COMMD1: variants seen among roughly 807,000 people sequenced by gnomAD.
COMMD1 encodes the protein copper metabolism domain containing 1.
In COMMD1, 10 loss-of-function variants were observed where a neutral mutation model predicts 17.2. The observed-to-expected ratio is 0.58, with a 90% confidence interval of 0.36 to 0.99. The LOEUF is 0.99. Ranked by LOEUF, COMMD1 falls within the 50% of genes least tolerant of loss-of-function variation. The probability of loss-of-function intolerance (pLI) is 0.01; values close to 1 mark genes in which losing one functional copy is unlikely to be tolerated. For synonymous variants in COMMD1, 97 were observed against 91.6 expected (o/e 1.06, Z -0.34); for missense variants, 270 against 231.8 (o/e 1.17, Z -1.07).
chr2:62,004,341 C>T (rs1161558591), intron 2 of COMMD1, among the ~76,000 whole-genome samples: 2 of 152,168 alleles, frequency 1.3e-5, no homozygotes, highest in African/African-American at 2.4e-5. Context: ...CACTCTGTCA[C>T]CCAGGCTGGA....
intron 1 of COMMD1, among the ~76,000 whole-genome samples, chr2:61,945,852 T>G (rs970815111): frequency 3.3e-5 from 5 of 152,178 alleles, no homozygotes; most frequent in Non-Finnish European, 5.9e-5. Flanking sequence ...AATGTCTGGG[T>G]TAAGACAAGG....
intron 1 of COMMD1, among the ~76,000 whole-genome samples, chr2:61,958,214 G>T (rs550423414): frequency 1.8e-3 from 268 of 150,570 alleles, no homozygotes; most frequent in African/African-American, 5.5e-3. Flanking sequence ...AGCATGCGTT[G>T]TTCCTTTCTT....
chr2:61,949,998 C>T (rs1671009689), intron 1 of COMMD1, among the ~76,000 whole-genome samples: 2 of 152,172 alleles, frequency 1.3e-5, no homozygotes, highest in South Asian at 2.1e-4. Context: ...AAACAGGACA[C>T]TATGGCTATC....
At chr2:61,998,774 C>T (rs529601379) in intron 1 of COMMD1, among the ~76,000 whole-genome samples, 10 of 152,186 alleles carry the variant, frequency 6.6e-5, no homozygotes, top group Non-Finnish European at 1.2e-4. Context: ...TAGAGGCCAT[C>T]GTAGGGTTAT....
intron 1 of COMMD1, among the ~76,000 whole-genome samples, chr2:61,975,118 C>CTTTTTTT: frequency 2.3e-3 from 187 of 80,146 alleles, no homozygotes; most frequent in East Asian, 3.7e-3. Flanking sequence ...TCATTTCTTT[C>CTTTTTTT]TTTTTTTTTT....
At chr2:61,975,726 T>G (rs1247803716) in intron 1 of COMMD1, among the ~76,000 whole-genome samples, 1 of 152,222 alleles carries the variant, frequency 6.6e-6, no homozygotes, top group Non-Finnish European at 1.5e-5. Context: ...CTTTGACCTT[T>G]ATATTATTTT....
At chr2:62,043,091 C>G (rs1376579558) in intron 2 of COMMD1, among the ~76,000 whole-genome samples, 1 of 152,186 alleles carries the variant, frequency 6.6e-6, no homozygotes, top group Non-Finnish European at 1.5e-5. Context: ...ATGCCAAGTC[C>G]TATCATCATC....
intron 2 of COMMD1, among the ~76,000 whole-genome samples, chr2:62,073,779 A>G (rs1463923983): frequency 1.3e-5 from 2 of 152,034 alleles, no homozygotes; most frequent in Non-Finnish European, 1.5e-5. Flanking sequence ...GCTCACTGCA[A>G]CCTCTGCTTC....
intron 1 of COMMD1, among the ~76,000 whole-genome samples, chr2:61,969,863 C>G (rs977112213): frequency 3.3e-5 from 5 of 152,046 alleles, no homozygotes; most frequent in Non-Finnish European, 7.4e-5. Context: ...ATCCTTTATT[C>G]AAACAACTTC....
At chr2:61,993,022 T>TA (rs1356712495) in intron 1 of COMMD1, among the ~76,000 whole-genome samples, 9 of 150,896 alleles carry the variant, frequency 6.0e-5, no homozygotes, top group Admixed American at 2.0e-4. Flanking sequence ...CTGCTAACTA[T>TA]ATTATGTACA....
At chr2:61,913,663 G>A (rs1669970923) in intron 1 of COMMD1, among the ~76,000 whole-genome samples, 2 of 151,656 alleles carry the variant, frequency 1.3e-5, no homozygotes, top group South Asian at 4.2e-4. Flanking sequence ...GGGCATGGTG[G>A]CGGGCTTCTA....
intron 2 of COMMD1, among the ~76,000 whole-genome samples, chr2:62,002,158 G>A (rs564712350): frequency 6.0e-5 from 9 of 151,166 alleles, no homozygotes; most frequent in South Asian, 2.1e-4. Context: ...CAATAAGAGC[G>A]AAACTCTGTC....
In COMMD1 at chr2:62,096,121, A is replaced by T. The variant is rs577062349; in HGVS notation, c.463-39710A>T. ...CAACTAACTTTCTCCTAAAAATGTA[A>T]TGTCATTCCTACATTTTAAGAAAGC... is the stretch of plus-strand genomic sequence containing the variant. On this transcript the variant is annotated intron_variant, in intron 2 of 2. Transcript: ENST00000311832. 3.9e-5 allele frequency among the ~76,000 whole-genome samples: 6 copies of T among 152,198 alleles called. No individual in the cohort carries two copies. In the East Asian group the frequency reaches 9.6e-4, roughly 24 times the overall value.
At chr2:62,078,764 C>A (rs1671426737) in intron 2 of COMMD1, among the ~76,000 whole-genome samples, 1 of 151,368 alleles carries the variant, frequency 6.6e-6, no homozygotes, top group Non-Finnish European at 1.5e-5. Flanking sequence ...GTAATCCCAG[C>A]CACTCGGTAG....
At position 61,968,674 on chromosome 2, in the gene COMMD1, A is replaced by G. The variant is rs995145289; in HGVS notation, c.181-32027A>G. 2.0e-5 allele frequency among the ~76,000 whole-genome samples: 3 copies of G among 152,024 alleles called. No homozygotes were observed. The East Asian group carries it at 5.8e-4, about 29-fold the overall frequency. ...TGGGCTCAAGTGATCCTCCTACCTC[A>G]GCCTTTCCAGTAGTTGTCACCACAG... is the stretch of plus-strand genomic sequence containing the variant. On this transcript the variant is annotated intron_variant, in intron 1 of 2. Coordinates refer to ENST00000311832, the MANE Select transcript of COMMD1 (RefSeq NM_152516.4).
intron 1 of COMMD1, among the ~76,000 whole-genome samples, chr2:61,954,714 C>G (rs1329833385): frequency 6.6e-6 from 1 of 152,070 alleles, no homozygotes; most frequent in Non-Finnish European, 1.5e-5. Context: ...CAAAGTCTCG[C>G]TCTCTTGCCC....
rs1671348727 is a variant in COMMD1 at position 61,961,736 on chromosome 2, A to G, written c.181-38965A>G. 2.0e-5 allele frequency among the ~76,000 whole-genome samples: 3 copies of G among 149,740 alleles called. No homozygotes were observed. The South Asian group carries it at 6.4e-4, about 32-fold the overall frequency. ...TTTCTTCCTTTTTTTCTTTTCTTCA[A>G]TTTTTATCTTTTTGCCTTTTTGGCT... is the stretch of plus-strand genomic sequence containing the variant. On this transcript the variant is annotated intron_variant, in intron 1 of 2. Coordinates refer to ENST00000311832, the MANE Select transcript of COMMD1 (RefSeq NM_152516.4).
intron 1 of COMMD1, among the ~76,000 whole-genome samples, chr2:61,973,868 A>G (rs1191628027): frequency 6.6e-6 from 1 of 152,206 alleles, no homozygotes; most frequent in Non-Finnish European, 1.5e-5. Context: ...TAATCCACAC[A>G]CCTGTCATCC....
At chr2:61,908,846 C>T (rs542283243) in intron 1 of COMMD1, among the ~76,000 whole-genome samples, 2 of 152,116 alleles carry the variant, frequency 1.3e-5, no homozygotes, top group South Asian at 2.1e-4. Context: ...GGATTACAGG[C>T]GTGAGCCACT....
Sources: allele counts gnomAD v4.1 joint callset (sites outside exome capture counted in the v4.1 genomes callset), GRCh38; gene constraint gnomAD v4.1.1; transcripts MANE v1.5; gene names NCBI Gene and HGNC (gene_info 2026-07-23, HGNC 2026-07-21).